Variants in CYRIB observed in about 807,000 individuals in gnomAD.
CYRIB encodes CYFIP related Rac1 interactor B.
A neutral mutation model predicts 44.2 loss-of-function variants in CYRIB; 8 were observed. The ratio of observed to expected loss-of-function variants is 0.18; its 90% CI spans 0.11 to 0.33. CYRIB has a LOEUF of 0.33. Ranked by LOEUF, CYRIB falls within the 10% of genes least tolerant of loss-of-function variation. The pLI, the probability that CYRIB is intolerant of heterozygous loss-of-function variation, is 1.00. For synonymous variants in CYRIB, 131 were observed against 127.2 expected (o/e 1.03, Z -0.20); for missense variants, 185 against 382.8 (o/e 0.48, Z 4.31).
At chr8:129,999,453 C>T (rs2395973) in intron 1 of CYRIB, among the ~76,000 whole-genome samples, 42,279 of 152,176 alleles carry the variant, frequency 0.28, 5,981 homozygotes, top group East Asian at 0.39. Context: ...CCCACGTGCG[C>T]CACGCACCCA....
At chr8:129,977,235 A>T (rs1322451259) in intron 1 of CYRIB, among the ~76,000 whole-genome samples, 2 of 152,202 alleles carry the variant, frequency 1.3e-5, no homozygotes, top group Admixed American at 1.3e-4. Flanking sequence ...TGCCAGACAG[A>T]GAAGGCATCT....
intron 1 of CYRIB, among the ~76,000 whole-genome samples, chr8:129,989,177 T>A (rs183635608): frequency 6.6e-6 from 1 of 152,234 alleles, no homozygotes; most frequent in Non-Finnish European, 1.5e-5. Flanking sequence ...TGTTTTCGGC[T>A]CTTTGCACCA....
At chr8:129,956,878 AC>A (rs1352707927) in intron 2 of CYRIB, among the ~76,000 whole-genome samples, 13 of 113,320 alleles carry the variant, frequency 1.1e-4, no homozygotes, top group African/African-American at 4.6e-4. Flanking sequence ...TTGCTCTGTC[AC>A]CCAGGCTGGA....
intron 10 of CYRIB, among the ~76,000 whole-genome samples, chr8:129,847,668 G>A (rs912294567): frequency 2.0e-5 from 3 of 152,138 alleles, no homozygotes; most frequent in Non-Finnish European, 2.9e-5. Flanking sequence ...GGGACTCACA[G>A]GTTATTTTAA....
intron 4 of CYRIB, among the ~76,000 whole-genome samples, chr8:129,866,128 T>G (rs1322784697): frequency 6.6e-6 from 1 of 152,218 alleles, no homozygotes; most frequent in Non-Finnish European, 1.5e-5. Context: ...GTATGTGTTG[T>G]GTGCAGTTAT....
chr8:129,957,587 T>C (rs1231897186), intron 2 of CYRIB, among the ~76,000 whole-genome samples: 1 of 152,108 alleles, frequency 6.6e-6, no homozygotes, highest in Non-Finnish European at 1.5e-5. Flanking sequence ...TCCCAGCACT[T>C]TGGGAGGTGG....
At chr8:129,989,721 T>C (rs1445743751) in intron 1 of CYRIB, among the ~76,000 whole-genome samples, 1 of 151,550 alleles carries the variant, frequency 6.6e-6, no homozygotes, top group Admixed American at 6.6e-5. Context: ...TGTATACATG[T>C]GCCATGTTGG....
chr8:129,878,839 G>A (rs2059980030), intron 3 of CYRIB, among the ~76,000 whole-genome samples: 1 of 151,956 alleles, frequency 6.6e-6, no homozygotes, highest in Admixed American at 6.6e-5. Flanking sequence ...ATAAATTCCT[G>A]AAATAAATAC....
intron 1 of CYRIB, among the ~76,000 whole-genome samples, chr8:129,931,175 T>C (rs2091168371): frequency 6.6e-6 from 1 of 151,382 alleles, no homozygotes; most frequent in Non-Finnish European, 1.5e-5. Context: ...GAAAGAAAAA[T>C]TGTGAATTTG....
At chr8:129,955,070 A>G (rs986737748) in intron 2 of CYRIB, among the ~76,000 whole-genome samples, 1 of 152,078 alleles carries the variant, frequency 6.6e-6, no homozygotes, top group African/African-American at 2.4e-5. Context: ...CCTGGCCAAC[A>G]TGGTGAAGTC....
At chr8:129,955,922 CG>C (rs2094800705) in intron 2 of CYRIB, among the ~76,000 whole-genome samples, 1 of 152,174 alleles carries the variant, frequency 6.6e-6, no homozygotes, top group South Asian at 2.1e-4. Flanking sequence ...TTGCATCCAT[CG>C]GGATGGGATA....
chr8:129,871,171 T>C (rs2057028742), intron 4 of CYRIB, among the ~76,000 whole-genome samples: 1 of 152,204 alleles, frequency 6.6e-6, no homozygotes, highest in South Asian at 2.1e-4. Context: ...TTTCTTAATT[T>C]ACAAAAACTA....
chr8:129,979,721 G>GC (rs2096126309), intron 1 of CYRIB, among the ~76,000 whole-genome samples: 1 of 152,094 alleles, frequency 6.6e-6, no homozygotes, highest in Admixed American at 6.6e-5. Context: ...TTTGAAACCA[G>GC]CCTGGCCAAC....
upstream of CYRIB, chr8:130,016,754 C>T (rs2097357467): frequency 6.6e-6 from 1 of 150,424 alleles, no homozygotes; most frequent in Non-Finnish European, 1.5e-5. Context: ...CGGCCCCCAC[C>T]CCAGAACCCC....
chr8:129,853,030 T>C (rs1331946158), intron 7 of CYRIB, among the ~76,000 whole-genome samples: 1 of 152,152 alleles, frequency 6.6e-6, no homozygotes, highest in Non-Finnish European at 1.5e-5. Flanking sequence ...AGTTATGCTG[T>C]GCAGAGTGAC....
At chr8:129,907,575 T>C (rs939510609) in intron 1 of CYRIB, among the ~76,000 whole-genome samples, 1 of 151,996 alleles carries the variant, frequency 6.6e-6, no homozygotes, top group Non-Finnish European at 1.5e-5. Context: ...ACATGTACCC[T>C]AGAACTTAAA....
chr8:129,871,341 T>A (rs1318458890), intron 4 of CYRIB, 34 bp downstream of exon 6: 1 of 1,583,952 alleles, frequency 6.3e-7, no homozygotes, highest in African/African-American at 1.4e-5. Flanking sequence ...ACAGTAAGTT[T>A]CAGTTAACTA....
intron 2 of CYRIB, among the ~76,000 whole-genome samples, chr8:129,897,730 T>C (rs1306213970): frequency 3.3e-5 from 5 of 150,968 alleles, no homozygotes; most frequent in African/African-American, 1.2e-4. Context: ...AGCCCAGGAG[T>C]TCGAGACCAG....
chr8:129,862,357 ATAGT>A (rs758271801), intron 4 of CYRIB, 23 bp from the exon 7 acceptor site: 44 of 1,559,682 alleles, frequency 2.8e-5, no homozygotes, highest in Admixed American at 5.5e-5. Context: ...AAGAATAAAA[ATAGT>A]TAGAGTTAAA....
Sources: gnomAD v4.1 joint callset for allele counts (sites outside exome capture counted in the v4.1 genomes callset) on GRCh38, gnomAD v4.1.1 for gene constraint, MANE v1.5 for transcripts, NCBI Gene and HGNC (gene_info 2026-07-23, HGNC 2026-07-21) for gene names.